DPP10: variants seen among roughly 807,000 people sequenced by gnomAD.
The protein encoded by DPP10 is dipeptidyl peptidase like 10.
In DPP10, 33 loss-of-function variants were observed where a neutral mutation model predicts 120.9. The ratio of observed to expected loss-of-function variants is 0.27; its 90% CI spans 0.21 to 0.37. The LOEUF (loss-of-function observed/expected upper bound fraction) is 0.37, where lower values mean the gene tolerates loss of function less well. Ranked by LOEUF, DPP10 falls within the 10% of genes least tolerant of loss-of-function variation. DPP10 has a pLI of 1.00. For missense variants in DPP10, 816 were observed against 942.8 expected, an observed-to-expected ratio of 0.87 and a Z score of 1.76; for synonymous variants, 337 against 326.1, an observed-to-expected ratio of 1.03 and a Z score of -0.36.
chr2:114,905,300 A>G (rs375280229), intron 1 of DPP10, among the ~76,000 whole-genome samples: 2 of 152,130 alleles, frequency 1.3e-5, no homozygotes, highest in Non-Finnish European at 2.9e-5. Flanking sequence ...AATAATAAAT[A>G]TCTTGATCTG....
At position 114,479,272 on chromosome 2, in the gene DPP10, C is replaced by A. The variant is rs368819643; in HGVS notation, c.60+36434C>A. ...CAAATTTATATAGAAAGGCATAAAT[C>A]TTGAATTAGCTAAAACCATCTTGAA... is the stretch of plus-strand genomic sequence containing the variant. On this transcript the variant is annotated intron_variant, in intron 1 of 25. Coordinates refer to ENST00000410059, the MANE Select transcript of DPP10 (RefSeq NM_020868.6). Among the ~76,000 whole-genome samples the A allele has an allele frequency of 3.9e-5, 6 of 152,052 alleles. No homozygotes were observed. The East Asian group carries it at 9.7e-4, about 24-fold the overall frequency.
chr2:114,634,078 A>T (rs776833603), intron 1 of DPP10, among the ~76,000 whole-genome samples: 6 of 151,952 alleles, frequency 3.9e-5, no homozygotes, highest in Non-Finnish European at 5.9e-5. Context: ...TAAAATGTAG[A>T]GGTAATACTG....
chr2:114,948,196 G>A (rs1483946702), intron 1 of DPP10, among the ~76,000 whole-genome samples: 2 of 151,866 alleles, frequency 1.3e-5, no homozygotes, highest in Non-Finnish European at 2.9e-5. Context: ...TCACTCGTTT[G>A]TTCTTTAGTT....
chr2:115,698,085 G>A (rs1313457660), intron 7 of DPP10, among the ~76,000 whole-genome samples: 6 of 152,276 alleles, frequency 3.9e-5, no homozygotes, highest in East Asian at 1.9e-4. Context: ...TTTCACGGGC[G>A]TTTGAGAAAT....
chr2:115,302,211 G>A (rs2061169666), intron 1 of DPP10, among the ~76,000 whole-genome samples: 1 of 151,828 alleles, frequency 6.6e-6, no homozygotes. Context: ...AGGGAAATCT[G>A]CCCCCCGTCA....
intron 1 of DPP10, among the ~76,000 whole-genome samples, chr2:114,729,664 T>C (rs2105936980): frequency 6.6e-6 from 1 of 152,352 alleles, no homozygotes; most frequent in Non-Finnish European, 1.5e-5. Context: ...AATGTGGATT[T>C]TCTAAACTTT....
intron 3 of DPP10, among the ~76,000 whole-genome samples, chr2:115,405,955 G>T (rs2068477832): frequency 6.6e-6 from 1 of 152,154 alleles, no homozygotes; most frequent in Non-Finnish European, 1.5e-5. Context: ...CTGATAAATG[G>T]CCTCTGGCTT....
chr2:114,512,109 G>C (rs1416089873), intron 1 of DPP10, among the ~76,000 whole-genome samples: 1 of 152,188 alleles, frequency 6.6e-6, no homozygotes, highest in East Asian at 1.9e-4. Context: ...AAAAAGTGTA[G>C]AAATAAGAAA....
rs2068473263 is a variant in DPP10, at chr2:115,405,901, C to A, written c.271+61989C>A. Reference sequence around the variant, plus strand: ...CTGGGCCTAAGATAGGAGAAACAGCCTGGAAGATCTTTGAAATGCCTTTGG... The same window carrying A: ...CTGGGCCTAAGATAGGAGAAACAGCATGGAAGATCTTTGAAATGCCTTTGG... On this transcript the variant is annotated intron_variant, in intron 3 of 25. Transcript: ENST00000410059. 3.9e-5 allele frequency among the ~76,000 whole-genome samples: 6 copies of A among 152,280 alleles called. No homozygotes were observed. The South Asian group carries it at 1.2e-3, about 32-fold the overall frequency.
chr2:115,075,680 G>A (rs1707727466), intron 1 of DPP10, among the ~76,000 whole-genome samples: 1 of 151,210 alleles, frequency 6.6e-6, no homozygotes, highest in Non-Finnish European at 1.5e-5. Context: ...TTTACTGCAG[G>A]GAAGAATGAG....
At chr2:115,454,460 A>T (rs1357408497) in intron 3 of DPP10, among the ~76,000 whole-genome samples, 1 of 151,790 alleles carries the variant, frequency 6.6e-6, no homozygotes, top group African/African-American at 2.4e-5. Flanking sequence ...AATACATTAT[A>T]TTAACAGAAT....
chr2:115,836,872 A>G, intron 24 of DPP10, 126 bp downstream of exon 24: 1 of 753,172 alleles, frequency 1.3e-6, no homozygotes. Flanking sequence ...TCACACAAAG[A>G]ATCAGATACA....
intron 1 of DPP10, among the ~76,000 whole-genome samples, chr2:115,073,388 T>C (rs1442305336): frequency 3.3e-5 from 5 of 152,306 alleles, no homozygotes; most frequent in African/African-American, 9.6e-5. Context: ...ATCCCTGTAT[T>C]AGGGCCTGCC....
At chr2:115,265,222 C>T (rs543288610) in intron 1 of DPP10, among the ~76,000 whole-genome samples, 23 of 151,454 alleles carry the variant, frequency 1.5e-4, no homozygotes, top group Middle Eastern at 3.5e-3. Context: ...AATATGTACA[C>T]ATCGATGTTC....
At chr2:114,949,341 T>A (rs1299646375) in intron 1 of DPP10, among the ~76,000 whole-genome samples, 2 of 152,026 alleles carry the variant, frequency 1.3e-5, no homozygotes, top group Non-Finnish European at 2.9e-5. Context: ...CCCTGACCCA[T>A]GGGGATTACA....
rs115852376 is a variant in DPP10 at position 114,665,524 on chromosome 2, T to C, written c.60+222686T>C. On this transcript the variant is annotated intron_variant, in intron 1 of 25. Coordinates refer to ENST00000410059, the MANE Select transcript of DPP10 (RefSeq NM_020868.6). ...AGCAAAGGTGGAAGGGACCCATGGC[T>C]TCTTCACATTCGTCAAAGGAGGGAA... Among the ~76,000 whole-genome samples, 1,242 of 151,664 alleles carry C rather than the reference T, an allele frequency of 8.2e-3. 13 individuals are homozygous for C. Among genetic ancestry groups the C allele is most frequent in the African/African-American group, 0.029 (1,191 of 41,538 alleles).
rs749193750 is a variant in DPP10, at chr2:115,836,281, T to C, written c.2050+25T>C. ...GGTGAGTACTTTCTACAGACTGACC[T>C]AGTATAATGTATTGATTTGTAGAAA... is the stretch of plus-strand genomic sequence containing the variant. On this transcript the variant is annotated intron_variant, in intron 22 of 25. Transcript: ENST00000410059. 1.1e-4 allele frequency: 175 copies of C among 1,558,940 alleles called. 3 individuals are homozygous for C. In the East Asian group the frequency reaches 3.9e-3, roughly 34 times the overall value.
chr2:114,507,202 A>G (rs1683748747), intron 1 of DPP10, among the ~76,000 whole-genome samples: 1 of 151,602 alleles, frequency 6.6e-6, no homozygotes, highest in Non-Finnish European at 1.5e-5. Flanking sequence ...CATGCACTAC[A>G]ACACCCCAGG....
intron 5 of DPP10, among the ~76,000 whole-genome samples, chr2:115,644,632 T>C (rs1157826924): frequency 7.3e-6 from 1 of 137,914 alleles, no homozygotes; most frequent in Non-Finnish European, 1.5e-5. Context: ...AAAAAAAAAA[T>C]AGCTAGGCAT....
Sources: allele counts gnomAD v4.1 joint callset (sites outside exome capture counted in the v4.1 genomes callset), GRCh38; gene constraint gnomAD v4.1.1; transcripts MANE v1.5; gene names NCBI Gene and HGNC (gene_info 2026-07-23, HGNC 2026-07-21).